GRIA4: variants seen among roughly 807,000 people sequenced by gnomAD.
The protein encoded by GRIA4 is glutamate ionotropic receptor AMPA type subunit 4.
GRIA4 carries 34 observed loss-of-function variants against 104.0 expected under a neutral mutation model. The ratio of observed to expected loss-of-function variants is 0.33; its 90% CI spans 0.25 to 0.44. The LOEUF (loss-of-function observed/expected upper bound fraction) is 0.44. GRIA4 is among the 20% of genes least tolerant of loss of function. The pLI is 1.00. For synonymous variants in GRIA4, 386 were observed against 381.9 expected (o/e 1.01, Z -0.13); for missense variants, 750 against 1,096.5 (o/e 0.68, Z 4.46).
intron 5 of GRIA4, among the ~76,000 whole-genome samples, chr11:105,881,762 C>T (rs776281654): frequency 5.3e-5 from 8 of 151,950 alleles, no homozygotes; most frequent in Middle Eastern, 3.2e-3. Context: ...CAAATTTGTA[C>T]GTGCATTGGT....
At chr11:105,762,396 T>A (rs1189387872) in intron 4 of GRIA4, among the ~76,000 whole-genome samples, 4 of 152,194 alleles carry the variant, frequency 2.6e-5, no homozygotes, top group African/African-American at 9.6e-5. Flanking sequence ...TTGCTGACAA[T>A]TGTTTTCTGG....
At chr11:105,704,455 A>G (rs1284153715) in intron 3 of GRIA4, among the ~76,000 whole-genome samples, 3 of 152,050 alleles carry the variant, frequency 2.0e-5, no homozygotes, top group Non-Finnish European at 4.4e-5. Context: ...CCACAGAGAA[A>G]AGAGAATGGT....
chr11:105,884,403 C>T (rs1565314412), intron 5 of GRIA4, among the ~76,000 whole-genome samples: 1 of 152,222 alleles, frequency 6.6e-6, no homozygotes, highest in South Asian at 2.1e-4. Context: ...GAAACCACAA[C>T]GATGACACTG....
At chr11:105,949,664 C>A (rs1343649694) in intron 14 of GRIA4, among the ~76,000 whole-genome samples, 1 of 151,780 alleles carries the variant, frequency 6.6e-6, no homozygotes, top group Non-Finnish European at 1.5e-5. Context: ...CAAATATTAG[C>A]AAATGAATAA....
Position 105,972,095 on chromosome 11 carries a change from A to C in GRIA4, c.2409+67A>C, listed in dbSNP as rs540192319. 5.6e-5 allele frequency: 52 copies of C among 924,246 alleles called. No individual in the cohort carries two copies. The East Asian group carries it at 1.2e-3, about 22-fold the overall frequency. The allele number at this position is 924,246 out of a possible 1,614,324, so 57.3% of individuals were successfully genotyped here. ...GCAGTAAACGGGAGCAATTGTCAAAAGTATATGGAAACCATAAAAACTGAA... is the reference window on the plus strand; with the variant it reads ...GCAGTAAACGGGAGCAATTGTCAAACGTATATGGAAACCATAAAAACTGAA... On this transcript the variant is annotated intron_variant, in intron 15 of 16. Transcript: ENST00000282499.
intron 5 of GRIA4, among the ~76,000 whole-genome samples, chr11:105,872,745 C>T (rs970841645): frequency 6.6e-6 from 1 of 151,958 alleles, no homozygotes; most frequent in African/African-American, 2.4e-5. Flanking sequence ...TCTGGTTAAA[C>T]AAAATTAACT....
chr11:105,916,505 T>A (rs1030789461), intron 10 of GRIA4, among the ~76,000 whole-genome samples: 1 of 152,200 alleles, frequency 6.6e-6, no homozygotes, highest in Non-Finnish European at 1.5e-5. Context: ...GTGACTTTGA[T>A]TGCAAGAGAT....
intron 14 of GRIA4, among the ~76,000 whole-genome samples, chr11:105,955,535 T>G: frequency 6.6e-6 from 1 of 152,320 alleles, no homozygotes; most frequent in South Asian, 2.1e-4. Context: ...GATGGGCATA[T>G]TGGTCGGTTC....
intron 3 of GRIA4, among the ~76,000 whole-genome samples, chr11:105,621,247 T>A (rs1160330111): frequency 6.6e-6 from 1 of 151,696 alleles, no homozygotes; most frequent in African/African-American, 2.4e-5. Flanking sequence ...TCCCATTTTT[T>A]ATATTTTTAT....
intron 7 of GRIA4, among the ~76,000 whole-genome samples, chr11:105,903,350 C>T (rs1327976811): frequency 1.3e-5 from 2 of 152,182 alleles, no homozygotes; most frequent in Non-Finnish European, 2.9e-5. Context: ...ACTTCAAGTC[C>T]ATGAACTTAT....
chr11:105,850,017 T>G (rs1944744121), intron 4 of GRIA4, among the ~76,000 whole-genome samples: 1 of 152,230 alleles, frequency 6.6e-6, no homozygotes, highest in African/African-American at 2.4e-5. Flanking sequence ...CCAGCACAAT[T>G]CATTTGATTG....
chr11:105,866,828 G>C (rs774890690), intron 5 of GRIA4, among the ~76,000 whole-genome samples: 12 of 151,816 alleles, frequency 7.9e-5, no homozygotes, highest in Non-Finnish European at 1.8e-4. Context: ...AAAGGCATTT[G>C]ATAGAAAACT....
intron 3 of GRIA4, among the ~76,000 whole-genome samples, chr11:105,642,698 C>T (rs766545376): frequency 1.3e-5 from 2 of 152,008 alleles, no homozygotes; most frequent in Non-Finnish European, 2.9e-5. Context: ...GTATTAATAC[C>T]AAATAAGTTT....
At chr11:105,932,155 T>G (rs1027670917) in intron 13 of GRIA4, among the ~76,000 whole-genome samples, 1 of 152,048 alleles carries the variant, frequency 6.6e-6, no homozygotes, top group Non-Finnish European at 1.5e-5. Flanking sequence ...TTTCTTTTTT[T>G]TTAGATGGAG....
intron 3 of GRIA4, among the ~76,000 whole-genome samples, chr11:105,734,357 T>G (rs1210696333): frequency 1.3e-5 from 2 of 152,096 alleles, no homozygotes; most frequent in Non-Finnish European, 2.9e-5. Context: ...AAATATGCCT[T>G]GAGTCCATGT....
chr11:105,924,214 G>A (rs566535544), intron 11 of GRIA4, among the ~76,000 whole-genome samples, 185 bp from the exon 12 acceptor site: 1 of 152,208 alleles, frequency 6.6e-6, no homozygotes, highest in Admixed American at 6.6e-5. Context: ...TGCAATTTAA[G>A]TAATATCTTA....
At chr11:105,620,220 C>G (rs939541603) in intron 3 of GRIA4, among the ~76,000 whole-genome samples, 2 of 151,852 alleles carry the variant, frequency 1.3e-5, no homozygotes, top group South Asian at 4.1e-4. Flanking sequence ...GCTGACAACT[C>G]CTTGTTCTTT....
intron 3 of GRIA4, among the ~76,000 whole-genome samples, chr11:105,732,924 C>G (rs867249507): frequency 6.6e-6 from 1 of 152,144 alleles, no homozygotes; most frequent in Middle Eastern, 3.2e-3. Flanking sequence ...AATCGCATAG[C>G]ACTTTGCAGT....
chr11:105,658,016 G>T, intron 3 of GRIA4, among the ~76,000 whole-genome samples: 1 of 151,434 alleles, frequency 6.6e-6, no homozygotes, highest in Non-Finnish European at 1.5e-5. Context: ...TTTTTATCAG[G>T]AAAAATTCTC....
Sources: allele counts gnomAD v4.1 joint callset (sites outside exome capture counted in the v4.1 genomes callset), GRCh38; gene constraint gnomAD v4.1.1; transcripts MANE v1.5; gene names NCBI Gene and HGNC (gene_info 2026-07-23, HGNC 2026-07-21).